The following AHCYL1 variants were observed in gnomAD, a reference collection of about 807,000 sequenced individuals.
AHCYL1 encodes S-adenosylhomocysteine hydrolase-like protein 1.
Under a neutral mutation model 79.3 loss-of-function variants are expected in AHCYL1, and 20 were observed. The observed-to-expected ratio is 0.25, with a 90% confidence interval of 0.18 to 0.37. The LOEUF (loss-of-function observed/expected upper bound fraction) is 0.37. Among genes scored for constraint, AHCYL1 ranks in the 10% least tolerant of loss-of-function variants. The pLI is 1.00. For synonymous variants in AHCYL1, 223 were observed against 242.2 expected (o/e 0.92, Z 0.74); for missense variants, 330 against 673.6 (o/e 0.49, Z 5.65).
At chr1:109,999,646 T>TGTTA (rs1487775524) in intron 1 of AHCYL1, among the ~76,000 whole-genome samples, 1 of 152,216 alleles carries the variant, frequency 6.6e-6, no homozygotes, top group African/African-American at 2.4e-5. Context: ...CAAGAACTTT[T>TGTTA]GTTAGTTGTA....
chr1:110,020,656 A>G, intron 15 of AHCYL1, 75 bp from the exon 16 acceptor site: 1 of 1,500,604 alleles, frequency 6.7e-7, no homozygotes, highest in East Asian at 2.4e-5. Context: ...AAAAGCTTCA[A>G]ATGAAAATGG....
Position 109,996,631 on chromosome 1 carries a change from A to G in AHCYL1, c.120+11459A>G, listed in dbSNP as rs544808540. ...ATTCTGTAAACTGTGCCCTTAGGCAATTTTGTTGTTGTGCAAACGTCAGAG... is the reference window on the plus strand; with the variant it reads ...ATTCTGTAAACTGTGCCCTTAGGCAGTTTTGTTGTTGTGCAAACGTCAGAG... On this transcript the variant is annotated intron_variant, in intron 1 of 16. Transcript: ENST00000369799. Among the ~76,000 whole-genome samples, 13 of 152,298 alleles carry G rather than the reference A, an allele frequency of 8.5e-5. No homozygotes were observed. The South Asian group carries it at 2.7e-3, about 32-fold the overall frequency.
intron 2 of AHCYL1, among the ~76,000 whole-genome samples, chr1:110,009,839 G>C (rs1297270958): frequency 6.6e-6 from 1 of 152,180 alleles, no homozygotes; most frequent in Non-Finnish European, 1.5e-5. Flanking sequence ...GAATACAGGA[G>C]AAAACATTAG....
intron 1 of AHCYL1, among the ~76,000 whole-genome samples, chr1:109,987,223 A>G (rs1350935101): frequency 6.6e-6 from 1 of 152,244 alleles, no homozygotes; most frequent in Non-Finnish European, 1.5e-5. Context: ...GGACTAGTCA[A>G]GGTCACATAG....
At chr1:109,987,024 T>C (rs1169295961) in intron 1 of AHCYL1, among the ~76,000 whole-genome samples, 2 of 152,248 alleles carry the variant, frequency 1.3e-5, no homozygotes, top group Non-Finnish European at 2.9e-5. Context: ...GCCAGGAATG[T>C]GGGAAGACCC....
intron 1 of AHCYL1, chr1:109,985,406 C>T: frequency 1.6e-6 from 2 of 1,267,710 alleles, no homozygotes; most frequent in Admixed American, 3.8e-5. Context: ...TGAAACCCGA[C>T]AGGGCCAGGC....
At chr1:110,010,858 C>G (rs1650978069) in intron 2 of AHCYL1, among the ~76,000 whole-genome samples, 1 of 152,198 alleles carries the variant, frequency 6.6e-6, no homozygotes, top group Non-Finnish European at 1.5e-5. Flanking sequence ...TCCTTATCTG[C>G]CCTAAATTAT....
intron 1 of AHCYL1, among the ~76,000 whole-genome samples, chr1:109,988,411 A>G (rs1275474443): frequency 1.3e-5 from 2 of 152,222 alleles, no homozygotes; most frequent in African/African-American, 2.4e-5. Context: ...TCCTTGTTTA[A>G]TGTTGGCAGT....
intron 1 of AHCYL1, among the ~76,000 whole-genome samples, chr1:109,994,849 T>A (rs2101699020): frequency 6.6e-6 from 1 of 152,328 alleles, no homozygotes; most frequent in South Asian, 2.1e-4. Flanking sequence ...TTAATTATAT[T>A]GATAATACAG....
At chr1:110,000,167 G>A (rs1387856533) in intron 1 of AHCYL1, among the ~76,000 whole-genome samples, 2 of 152,088 alleles carry the variant, frequency 1.3e-5, no homozygotes, top group Admixed American at 6.5e-5. Context: ...AATAACCAGC[G>A]AATTTCCCCA....
intron 1 of AHCYL1, among the ~76,000 whole-genome samples, chr1:109,986,088 A>C (rs1251560133): frequency 1.3e-5 from 2 of 152,166 alleles, no homozygotes; most frequent in Non-Finnish European, 1.5e-5. Context: ...TTTTCCATAC[A>C]CCTGGCACCC....
Position 110,016,743 on chromosome 1 carries a change from G to C in AHCYL1, c.963+13G>C. On this transcript the variant is annotated intron_variant, in intron 9 of 16. Coordinates refer to ENST00000369799, the MANE Select transcript of AHCYL1 (RefSeq NM_006621.7). ...TGGCTATGGTGAGGTAAATAGCTGG[G>C]TCTCAGTGTCTCTTTCTTTTTGTGT... The C allele has an allele frequency of 6.2e-7, 1 of 1,613,952 alleles. No individual in the cohort carries two copies. The highest frequency in any genetic ancestry group is 8.5e-7 in the Non-Finnish European group (1 of 1,179,974).
At chr1:109,988,644 G>A (rs2101689649) in intron 1 of AHCYL1, among the ~76,000 whole-genome samples, 1 of 152,288 alleles carries the variant, frequency 6.6e-6, no homozygotes, top group South Asian at 2.1e-4. Context: ...CAGAACATTT[G>A]CTGTTCTCTG....
At chr1:110,017,358 T>C (rs1570890830) in intron 9 of AHCYL1, 137 bp from the exon 10 acceptor site, 1 of 691,318 alleles carries the variant, frequency 1.4e-6, no homozygotes, top group East Asian at 2.7e-5. Flanking sequence ...CTGCTTGGGA[T>C]TGGAGCGTCT....
At chr1:110,007,243 G>A (rs7514825) in intron 1 of AHCYL1, among the ~76,000 whole-genome samples, 4,526 of 152,222 alleles carry the variant, frequency 0.03, 237 homozygotes, top group African/African-American at 0.1. Flanking sequence ...AGGAATCATA[G>A]CAGAGGGGAG....
In AHCYL1 at chr1:110,000,293, T is replaced by C. The variant is rs571393491; in HGVS notation, c.121-8741T>C. 5.3e-5 allele frequency among the ~76,000 whole-genome samples: 8 copies of C among 152,336 alleles called. No homozygotes were observed. The South Asian group carries it at 1.7e-3, about 32-fold the overall frequency. ...ATAGGGAATTCTGAATTAATTTCTT[T>C]TGTCCTAGTAAAGTAGTCTAGATTA... On this transcript the variant is annotated intron_variant, in intron 1 of 16. Coordinates refer to ENST00000369799, the MANE Select transcript of AHCYL1 (RefSeq NM_006621.7).
chr1:109,995,526 A>T, intron 1 of AHCYL1: 2 of 294,270 alleles, frequency 6.8e-6, no homozygotes, highest in Non-Finnish European at 1.0e-5. Flanking sequence ...TAGATTCTCT[A>T]CTTCCTTTGC....
intron 16 of AHCYL1, 28 bp downstream of exon 16, chr1:110,020,879 C>T (rs769901792): frequency 6.2e-7 from 1 of 1,603,968 alleles, no homozygotes; most frequent in South Asian, 1.1e-5. Flanking sequence ...AAGTGAAAAG[C>T]TCTTTTTCCC....
At position 109,984,891 on chromosome 1, in the gene AHCYL1, G is replaced by C; in HGVS notation, c.-162G>C. ...TGCCTTGGGCTGCCGAACAGACAAG[G>C]CGTGGGCCACAGCACCTCAGAAGCC... is the stretch of plus-strand genomic sequence containing the variant. On this transcript the variant is annotated 5_prime_UTR_variant, in exon 1 of 17. Transcript: ENST00000369799. The C allele has an allele frequency of 8.6e-7, 1 of 1,169,452 alleles. No homozygotes were observed. Among genetic ancestry groups the C allele is most frequent in the Non-Finnish European group, 1.1e-6 (1 of 911,956 alleles). The allele number at this position is 1,169,452 out of a possible 1,614,324, so 72.4% of individuals were successfully genotyped here. A position where few individuals can be genotyped will look rare whatever the true frequency, so the allele number is the denominator to read the frequency against.
Sources: allele counts gnomAD v4.1 joint callset (sites outside exome capture counted in the v4.1 genomes callset), GRCh38; gene constraint gnomAD v4.1.1; transcripts MANE v1.5; gene names NCBI Gene and HGNC (gene_info 2026-07-23, HGNC 2026-07-21).